Variants in FBXL5 observed in about 807,000 individuals in gnomAD.
FBXL5 encodes F-box/LRR-repeat protein 5.
In FBXL5, 26 loss-of-function variants were observed where a neutral mutation model predicts 78.3. The observed-to-expected ratio is 0.33, with a 90% CI of 0.24 to 0.46. FBXL5 has a LOEUF of 0.46. Among genes scored for constraint, FBXL5 ranks in the 20% least tolerant of loss-of-function variants. The probability of loss-of-function intolerance (pLI) is 1.00; values close to 1 mark genes in which losing one functional copy is unlikely to be tolerated. For synonymous variants in FBXL5, 295 were observed against 282.5 expected (o/e 1.04, Z -0.45); for missense variants, 710 against 829.2 (o/e 0.86, Z 1.77).
chr4:15,627,201 C>G (rs1356341095), intron 7 of FBXL5, among the ~76,000 whole-genome samples: 1 of 132,358 alleles, frequency 7.6e-6, no homozygotes, highest in East Asian at 2.3e-4. Flanking sequence ...GTGGCAGTAT[C>G]TTGGCTCACT....
intron 2 of FBXL5, among the ~76,000 whole-genome samples, chr4:15,643,627 G>T (rs1251884812): frequency 6.6e-6 from 1 of 152,136 alleles, no homozygotes; most frequent in African/African-American, 2.4e-5. Flanking sequence ...GGCTGGTCTA[G>T]AACTCCTGAC....
chr4:15,618,603 G>A (rs1334008947), intron 9 of FBXL5, among the ~76,000 whole-genome samples: 1 of 152,104 alleles, frequency 6.6e-6, no homozygotes. Flanking sequence ...CACTTTGGGA[G>A]GCCAAGGCAG....
chr4:15,671,931 C>T (rs1479873860), intron 1 of FBXL5, among the ~76,000 whole-genome samples: 5 of 152,166 alleles, frequency 3.3e-5, no homozygotes, highest in Admixed American at 2.0e-4. Flanking sequence ...ACTTTTTGAA[C>T]ATATGGAATA....
Position 15,669,879 on chromosome 4 carries a change from C to T in FBXL5, c.-283-9957G>A, listed in dbSNP as rs187673320. Among the ~76,000 whole-genome samples the T allele has an allele frequency of 3.9e-5, 6 of 152,188 alleles. No homozygotes were observed. In the East Asian group the frequency reaches 1.2e-3, roughly 29 times the overall value. ...TATAATTACAGGGATTTCAACATTC[C>T]AACTTATCCAAGGGTTCCAAAAGAC... On this transcript the variant is annotated intron_variant, in intron 1 of 4. Coordinates refer to the FBXL5 transcript ENST00000507899.
chr4:15,609,527 C>A (rs1722101310), intron 10 of FBXL5, among the ~76,000 whole-genome samples: 1 of 151,996 alleles, frequency 6.6e-6, no homozygotes, highest in Non-Finnish European at 1.5e-5. Flanking sequence ...GACTGTGTCA[C>A]CTCCAAAACT....
In FBXL5 at chr4:15,636,504, A is replaced by C; in HGVS notation, c.756T>G (p.His252Gln). 9 of 1,595,616 alleles carry C rather than the reference A, an allele frequency of 5.6e-6. No homozygotes were observed. The highest frequency in any genetic ancestry group is 7.7e-6 in the Non-Finnish European group (9 of 1,169,816). Reference sequence around the variant, plus strand: ...AACCCATTTACCTACCTCTGGCCCAATGAACAGGGTAAAGATGTTTCCAAA... The same window carrying C: ...AACCCATTTACCTACCTCTGGCCCACTGAACAGGGTAAAGATGTTTCCAAA... The part of the protein sequence containing the change: ...GSLWKHLYPV[H>Q]WARGDWYSGP... Residue 252 changes from histidine to glutamine, a missense_variant, in exon 5 of 11, where the codon CAT becomes CAG. Physicochemically the swap from His to Gln is conservative, Grantham distance 24. Around this residue, in one of 4 missense-constraint regions of FBXL5, gnomAD observed 517 missense variants for 542.9 expected, o/e 0.95. Coordinates refer to ENST00000341285, the MANE Select transcript of FBXL5 (RefSeq NM_012161.4).
In FBXL5 at chr4:15,639,406, A is replaced by G. The variant is rs1714611547; in HGVS notation, c.397-712T>C. ...TAGTACCCAGTGTAGTGGAACCATAAAAGTCAGAACTCTACTGAGACATTT... is the reference window on the plus strand; with the variant it reads ...TAGTACCCAGTGTAGTGGAACCATAGAAGTCAGAACTCTACTGAGACATTT... On this transcript the variant is annotated intron_variant, in intron 3 of 10. Coordinates refer to ENST00000341285, the MANE Select transcript of FBXL5 (RefSeq NM_012161.4). 2.0e-5 allele frequency among the ~76,000 whole-genome samples: 3 copies of G among 152,346 alleles called. 1 individual carries two copies. The highest frequency in any genetic ancestry group is 2.0e-4 in the Admixed American group (3 of 15,300).
chr4:15,630,686 T>A lies in FBXL5; in HGVS notation c.872A>T (p.Asp291Val). 1 of 1,593,518 alleles carries A rather than the reference T, an allele frequency of 6.3e-7. No individual in the cohort carries two copies. Among genetic ancestry groups the A allele is most frequent in the Non-Finnish European group, 8.5e-7 (1 of 1,174,354 alleles). The change falls in exon 6 of 11, where the codon GAT becomes GTT. Residue 291 changes from aspartate to valine, a missense_variant. Around this residue, in one of 4 missense-constraint regions of FBXL5, gnomAD observed 517 missense variants for 542.9 expected, o/e 0.95. Transcript: ENST00000341285. ...CTTACCAGATTCATCAATGTCAGCATCTTCATCCCACTCATGAAAAGCACG... is the reference window on the plus strand; with the variant it reads ...CTTACCAGATTCATCAATGTCAGCAACTTCATCCCACTCATGAAAAGCACG... ...ESRAFHEWDE[D>V]ADIDESEESA...
intron 9 of FBXL5, among the ~76,000 whole-genome samples, chr4:15,621,803 A>C (rs1712509572): frequency 6.6e-6 from 1 of 152,150 alleles, no homozygotes; most frequent in Non-Finnish European, 1.5e-5. Context: ...AAACTAACTA[A>C]AACCTTATCA....
chr4:15,645,128 T>G (rs184189079), intron 1 of FBXL5, among the ~76,000 whole-genome samples: 1,578 of 151,908 alleles, frequency 0.01, 122 homozygotes, highest in Admixed American at 0.096. Flanking sequence ...ACACCATACC[T>G]CCTAGACTTG....
intron 9 of FBXL5, among the ~76,000 whole-genome samples, chr4:15,613,461 G>A (rs1722407736): frequency 6.6e-6 from 1 of 152,094 alleles, no homozygotes; most frequent in Non-Finnish European, 1.5e-5. Context: ...GTATTTGGAT[G>A]TTTAAATCTC....
chr4:15,662,447 A>G (rs186399440), upstream of FBXL5, among the ~76,000 whole-genome samples: 2 of 152,342 alleles, frequency 1.3e-5, no homozygotes, highest in East Asian at 3.8e-4. Context: ...AATAAGTGTA[A>G]TAGGCTTTCA....
chr4:15,636,482 C>T lies in FBXL5; in HGVS notation c.766+12G>A, dbSNP rs370716941. 2.1e-5 allele frequency: 31 copies of T among 1,504,574 alleles called. No homozygotes were observed. The African/African-American group carries it at 4.7e-4, about 23-fold the overall frequency. The allele number at this position is 1,504,574 out of a possible 1,614,324, so 93.2% of individuals were successfully genotyped here. A position where few individuals can be genotyped will look rare whatever the true frequency, so the allele number is the denominator to read the frequency against. On this transcript the variant is annotated intron_variant, in intron 5 of 10. Transcript: ENST00000341285. ...AAATACATGAAAATATTTTAAAAAC[C>T]CATTTACCTACCTCTGGCCCAATGA...
At chr4:15,631,772 T>TG (rs1339372678) in intron 5 of FBXL5, among the ~76,000 whole-genome samples, 1 of 152,182 alleles carries the variant, frequency 6.6e-6, no homozygotes, top group African/African-American at 2.4e-5. Context: ...GTTGTTTTTT[T>TG]TTCTTGTACA....
intron 9 of FBXL5, among the ~76,000 whole-genome samples, chr4:15,622,807 C>A (rs955936202): frequency 2.0e-5 from 3 of 152,074 alleles, no homozygotes; most frequent in African/African-American, 7.2e-5. Context: ...TTCAATTAGC[C>A]ACAGATAAGA....
intron 5 of FBXL5, among the ~76,000 whole-genome samples, chr4:15,631,663 G>T (rs1484005357): frequency 6.6e-6 from 1 of 152,192 alleles, no homozygotes; most frequent in Non-Finnish European, 1.5e-5. Flanking sequence ...TTTCTCTGAT[G>T]ACCAGTGATG....
At chr4:15,655,794 G>A (rs2148741949), upstream of FBXL5, among the ~76,000 whole-genome samples, 1 of 152,324 alleles carries the variant, frequency 6.6e-6, no homozygotes, top group East Asian at 1.9e-4. Context: ...AGGACCTCCG[G>A]AGCTGCCCTT....
intron 3 of FBXL5, 21 bp from the exon 4 acceptor site, chr4:15,638,715 A>G: frequency 6.8e-7 from 1 of 1,460,288 alleles, no homozygotes; most frequent in Admixed American, 1.9e-5. Context: ...CAAAATATTC[A>G]CGAGGAAAGA....
At chr4:15,656,653 TC>T (rs1464939813), upstream of FBXL5, among the ~76,000 whole-genome samples, 4 of 152,244 alleles carry the variant, frequency 2.6e-5, no homozygotes, top group Non-Finnish European at 5.9e-5. Context: ...AAGTTAAGAT[TC>T]CTGGTTTTGC....
Sources: allele counts gnomAD v4.1 joint callset (sites outside exome capture counted in the v4.1 genomes callset), GRCh38; gene constraint gnomAD v4.1.1; regional missense constraint gnomAD v4.1.1; transcripts MANE v1.5; gene names NCBI Gene and HGNC (gene_info 2026-07-23, HGNC 2026-07-21).